The following ANK3 variants were observed in gnomAD, a reference collection of about 807,000 sequenced individuals.
ANK3 encodes the protein ankyrin 3.
In ANK3, 57 loss-of-function variants were observed where a neutral mutation model predicts 370.9. The ratio of observed to expected loss-of-function variants is 0.15; its 90% CI spans 0.12 to 0.19. The LOEUF is 0.19. ANK3 is among the 10% of genes least tolerant of loss of function. ANK3 has a pLI of 1.00. For missense variants in ANK3, 4,439 were observed against 5,302.1 expected, an observed-to-expected ratio of 0.84 and a Z score of 5.06; for synonymous variants, 1,929 against 1,946.3, an observed-to-expected ratio of 0.99 and a Z score of 0.23.
At chr10:60,601,332 A>G (rs1396146795) in intron 2 of ANK3, among the ~76,000 whole-genome samples, 1 of 152,070 alleles carries the variant, frequency 6.6e-6, no homozygotes, top group Non-Finnish European at 1.5e-5. Flanking sequence ...AAAAAGTTAT[A>G]ACGCAAAACA....
rs146767263 is a variant in ANK3, at chr10:60,435,296, A to G, written c.97-155657T>C. Among the ~76,000 whole-genome samples the G allele has an allele frequency of 4.7e-3, 720 of 152,344 alleles. 2 individuals carry two copies. Among genetic ancestry groups the G allele is most frequent in the African/African-American group, 0.017 (688 of 41,584 alleles). On this transcript the variant is annotated intron_variant, in intron 2 of 43. Coordinates refer to the ANK3 transcript ENST00000373827. Reference sequence around the variant, plus strand: ...ACTAATTTGATGTAAATGATATTTTACATTGGAAATAATAATCCATTTATC... The same window carrying G: ...ACTAATTTGATGTAAATGATATTTTGCATTGGAAATAATAATCCATTTATC...
chr10:60,382,797 C>CTATATATA lies in ANK3; in HGVS notation c.114+6620_114+6627dup, dbSNP rs5785442. ...TTCGATATTTAACCTATACCTAAAT[C>CTATATATA]TATATATATATATATATATATATAT... On this transcript the variant is annotated intron_variant, in intron 1 of 43. Coordinates refer to ENST00000280772, the MANE Select transcript of ANK3 (RefSeq NM_020987.5). Among the ~76,000 whole-genome samples the CTATATATA allele has an allele frequency of 5.8e-3, 779 of 133,688 alleles. 3 individuals are homozygous for CTATATATA. The highest frequency in any genetic ancestry group is 0.014 in the African/African-American group (492 of 36,406). The allele number at this position is 133,688 out of a possible 152,430, so 87.7% of individuals were successfully genotyped here.
At chr10:60,163,240 A>G (rs1387361300) in intron 23 of ANK3, among the ~76,000 whole-genome samples, 1 of 152,212 alleles carries the variant, frequency 6.6e-6, no homozygotes, top group Non-Finnish European at 1.5e-5. Flanking sequence ...TTGTACGTAT[A>G]TTAAAGTTTT....
intron 2 of ANK3, among the ~76,000 whole-genome samples, chr10:60,399,066 C>T (rs765944765): frequency 6.6e-4 from 101 of 152,092 alleles, no homozygotes; most frequent in Non-Finnish European, 1.3e-3. Flanking sequence ...TGGGGTATCG[C>T]CTATGTATGT....
Position 60,379,735 on chromosome 10 carries a change from G to T in ANK3, c.114+9690C>A, listed in dbSNP as rs1051990779. Among the ~76,000 whole-genome samples, 6 of 152,222 alleles carry T rather than the reference G, an allele frequency of 3.9e-5. No homozygotes were observed. The East Asian group carries it at 1.2e-3, about 29-fold the overall frequency. On this transcript the variant is annotated intron_variant, in intron 1 of 43. Coordinates refer to ENST00000280772, the MANE Select transcript of ANK3 (RefSeq NM_020987.5). ...GAAAGGTAGGGGAAAGGGAGGTATA[G>T]AGGAAAGATTTGTTAAAGGATACAA... is the stretch of plus-strand genomic sequence containing the variant.
At chr10:60,129,527 G>A (rs532978434) in intron 25 of ANK3, among the ~76,000 whole-genome samples, 2 of 152,298 alleles carry the variant, frequency 1.3e-5, no homozygotes, top group South Asian at 2.1e-4. Flanking sequence ...CAAGCTGGGC[G>A]GATCACTTGA....
At chr10:60,230,347 C>A (rs1193571604) in intron 8 of ANK3, among the ~76,000 whole-genome samples, 1 of 152,124 alleles carries the variant, frequency 6.6e-6, no homozygotes, top group African/African-American at 2.4e-5. Context: ...AGAAACGAAG[C>A]CATTGTGATC....
rs553120906 is a variant in ANK3, at chr10:60,453,894, A to C, written c.96+161292T>G. ...TATAACTCCCATATGACTTACTAAA[A>C]TTTGGTTACTGTTGGTAACTAGAAA... On this transcript the variant is annotated intron_variant, in intron 2 of 43. Transcript: ENST00000373827. Among the ~76,000 whole-genome samples, 5 of 152,336 alleles carry C rather than the reference A, an allele frequency of 3.3e-5. No homozygotes were observed. The East Asian group carries it at 9.6e-4, about 29-fold the overall frequency.
intron 23 of ANK3, among the ~76,000 whole-genome samples, chr10:60,160,823 G>C (rs2132278670): frequency 6.6e-6 from 1 of 152,154 alleles, no homozygotes; most frequent in South Asian, 2.1e-4. Context: ...AATTAATGCT[G>C]AAAAAGCATT....
At chr10:60,287,307 C>T (rs2040237769) in intron 1 of ANK3, among the ~76,000 whole-genome samples, 1 of 152,186 alleles carries the variant, frequency 6.6e-6, no homozygotes, top group Non-Finnish European at 1.5e-5. Flanking sequence ...GCTTTCCCTA[C>T]AGCTGAAAAT....
intron 1 of ANK3, among the ~76,000 whole-genome samples, chr10:60,701,695 C>G (rs1051009210): frequency 2.6e-5 from 4 of 152,178 alleles, no homozygotes; most frequent in African/African-American, 9.7e-5. Context: ...AGCCCCTTCT[C>G]CGCTGTGCTG....
intron 2 of ANK3, among the ~76,000 whole-genome samples, chr10:60,468,997 G>GTATATATATATATATATATATA (rs71015794): frequency 2.2e-4 from 5 of 23,254 alleles, no homozygotes; most frequent in African/African-American, 8.5e-4. Context: ...CTTTTAGTGT[G>GTATATATATATATATATATATA]TATATATATA....
At chr10:60,240,706 C>T (rs929100996) in intron 7 of ANK3, among the ~76,000 whole-genome samples, 3 of 152,116 alleles carry the variant, frequency 2.0e-5, no homozygotes, top group Non-Finnish European at 4.4e-5. Flanking sequence ...ATTCTGCCAC[C>T]TCAGCCTCCT....
chr10:60,161,950 G>A (rs1812819015), intron 23 of ANK3, among the ~76,000 whole-genome samples: 2 of 152,124 alleles, frequency 1.3e-5, no homozygotes, highest in Admixed American at 1.3e-4. Context: ...TGCTTGAGGT[G>A]ATAGATATCC....
chr10:60,439,989 A>G (rs1185501361), intron 2 of ANK3, among the ~76,000 whole-genome samples: 4 of 152,226 alleles, frequency 2.6e-5, no homozygotes, highest in African/African-American at 2.4e-5. Context: ...GAGTTTTTCA[A>G]TCTGTACAAA....
intron 2 of ANK3, among the ~76,000 whole-genome samples, chr10:60,497,472 C>A (rs1358051153): frequency 6.6e-6 from 1 of 152,158 alleles, no homozygotes; most frequent in East Asian, 1.9e-4. Flanking sequence ...GTCATGTATT[C>A]ACACTTTGTA....
At chr10:60,278,733 AATG>A in intron 4 of ANK3, 38 bp downstream of exon 4, 1 of 1,508,662 alleles carries the variant, frequency 6.6e-7, no homozygotes, top group African/African-American at 1.4e-5. Flanking sequence ...ATTGTTTGTA[AATG>A]ATAACAAAAT....
intron 7 of ANK3, among the ~76,000 whole-genome samples, chr10:60,242,022 T>C (rs2097468333): frequency 6.6e-6 from 1 of 152,222 alleles, no homozygotes; most frequent in African/African-American, 2.4e-5. Context: ...CTATATCCTC[T>C]AATGTGTGGA....
intron 1 of ANK3, among the ~76,000 whole-genome samples, chr10:60,368,775 T>C (rs987321108): frequency 6.6e-6 from 1 of 152,208 alleles, no homozygotes; most frequent in Non-Finnish European, 1.5e-5. Flanking sequence ...CCCATTCACG[T>C]ACTTCTGAAT....
Sources: gnomAD v4.1 joint callset for allele counts (sites outside exome capture counted in the v4.1 genomes callset) on GRCh38, gnomAD v4.1.1 for gene constraint, MANE v1.5 for transcripts, NCBI Gene and HGNC (gene_info 2026-07-23, HGNC 2026-07-21) for gene names.